Variants in TXK observed in about 807,000 individuals in gnomAD.
TXK encodes tyrosine-protein kinase TXK.
Under a neutral mutation model 81.0 loss-of-function variants are expected in TXK, and 60 were observed. The observed-to-expected ratio is 0.74, with a 90% CI of 0.60 to 0.92. TXK has a LOEUF of 0.92. TXK is among the 40% of genes least tolerant of loss of function. The pLI is 0.00. For synonymous variants in TXK, 203 were observed against 210.7 expected (o/e 0.96, Z 0.32); for missense variants, 581 against 638.3 (o/e 0.91, Z 0.97).
At chr4:48,129,330 T>C (rs1365002930) in intron 1 of TXK, among the ~76,000 whole-genome samples, 2 of 152,188 alleles carry the variant, frequency 1.3e-5, no homozygotes, top group African/African-American at 2.4e-5. Context: ...GTGTTAGACC[T>C]TGACTGTTCT....
intron 1 of TXK, 186 bp from the exon 2 acceptor site, chr4:48,114,588 T>C: frequency 1.6e-6 from 1 of 612,264 alleles, no homozygotes; most frequent in Non-Finnish European, 2.9e-6. Flanking sequence ...CCTTGGCCAG[T>C]GTGGTTTCCC....
At chr4:48,094,576 G>A (rs889843138) in intron 7 of TXK, among the ~76,000 whole-genome samples, 1 of 152,238 alleles carries the variant, frequency 6.6e-6, no homozygotes, top group African/African-American at 2.4e-5. Flanking sequence ...AATGCCAGGT[G>A]CATTAGTTAG....
chr4:48,132,582 T>G (rs1027907939), intron 1 of TXK, among the ~76,000 whole-genome samples: 2 of 152,128 alleles, frequency 1.3e-5, no homozygotes, highest in African/African-American at 2.4e-5. Context: ...ATAAACTCAT[T>G]TATATATGTG....
intron 7 of TXK, 71 bp downstream of exon 7, chr4:48,095,072 C>T: frequency 7.7e-7 from 1 of 1,293,430 alleles, no homozygotes. Flanking sequence ...TAAGCTCTCA[C>T]TAACATTCTC....
chr4:48,102,759 C>T (rs1274255445), intron 6 of TXK, among the ~76,000 whole-genome samples: 1 of 152,064 alleles, frequency 6.6e-6, no homozygotes, highest in African/African-American at 2.4e-5. Flanking sequence ...ATGAAATATG[C>T]TAATACACAG....
At chr4:48,071,767 G>C (rs1716868793) in intron 13 of TXK, 93 bp from the exon 14 acceptor site, 9 of 1,441,912 alleles carry the variant, frequency 6.2e-6, no homozygotes, top group Middle Eastern at 2.5e-4. Flanking sequence ...CATTATTTTT[G>C]TGCTCCAGGC....
At chr4:48,090,999 G>A (rs1027222446) in intron 8 of TXK, among the ~76,000 whole-genome samples, 2 of 152,240 alleles carry the variant, frequency 1.3e-5, no homozygotes, top group Non-Finnish European at 2.9e-5. Flanking sequence ...CACTCTTCTA[G>A]GTAGATTCCC....
chr4:48,109,651 T>G (rs1718573845), intron 5 of TXK, among the ~76,000 whole-genome samples: 1 of 152,238 alleles, frequency 6.6e-6, no homozygotes, highest in Non-Finnish European at 1.5e-5. Flanking sequence ...TGAAGTCATC[T>G]CCTTCTCTCC....
At chr4:48,079,866 T>C in intron 11 of TXK, 46 bp downstream of exon 11, 1 of 1,301,506 alleles carries the variant, frequency 7.7e-7, no homozygotes, top group Non-Finnish European at 1.1e-6. Context: ...TCCTTCTGAA[T>C]ATAGGTATGA....
chr4:48,112,466 G>C lies in TXK; in HGVS notation c.221C>G (p.Pro74Arg). 1 of 1,614,108 alleles carries C rather than the reference G, an allele frequency of 6.2e-7. No individual in the cohort carries two copies. Among genetic ancestry groups the C allele is most frequent in the Non-Finnish European group, 8.5e-7 (1 of 1,180,002 alleles). ...TTCAGCAACCTCAGAGGGTGGGAGG[G>C]GAGGCAGTGGCTTTCGTTTTGACGG... ...VQPSKRKPLP[P>R]LPPSEVAEEK... Residue 74 changes from proline to arginine, a missense_variant, in exon 4 of 15, where the codon CCC (proline) becomes CGC (arginine). Physicochemically the swap from Pro to Arg is moderately radical, Grantham distance 103. Transcript: ENST00000264316.
intron 8 of TXK, 79 bp from the exon 9 acceptor site, chr4:48,089,903 C>T (rs1344879881): frequency 2.0e-6 from 2 of 990,158 alleles, no homozygotes; most frequent in Non-Finnish European, 3.0e-6. Context: ...GAAGACAGTA[C>T]CATTCTTTAA....
intron 6 of TXK, among the ~76,000 whole-genome samples, chr4:48,100,008 TA>T (rs1256364028): frequency 6.6e-6 from 1 of 151,106 alleles, no homozygotes; most frequent in Non-Finnish European, 1.5e-5. Context: ...CCGTCTCTAC[TA>T]AAAATACAAA....
intron 8 of TXK, among the ~76,000 whole-genome samples, chr4:48,093,159 T>C (rs1717843892): frequency 6.6e-6 from 1 of 152,198 alleles, no homozygotes; most frequent in Non-Finnish European, 1.5e-5. Flanking sequence ...TATTTTACCC[T>C]CACTCCTTAA....
At chr4:48,102,558 G>A (rs929301565) in intron 6 of TXK, among the ~76,000 whole-genome samples, 16 of 152,186 alleles carry the variant, frequency 1.1e-4, no homozygotes, top group East Asian at 1.9e-4. Context: ...TAGTATAACC[G>A]TTTTGAATCA....
intron 1 of TXK, among the ~76,000 whole-genome samples, chr4:48,122,555 G>A (rs1354096114): frequency 6.6e-6 from 1 of 152,066 alleles, no homozygotes; most frequent in Non-Finnish European, 1.5e-5. Flanking sequence ...CTAACATGCT[G>A]TGCAATTTAT....
chr4:48,128,210 GTCA>G (rs1398618648), intron 1 of TXK, among the ~76,000 whole-genome samples: 1 of 152,190 alleles, frequency 6.6e-6, no homozygotes, highest in African/African-American at 2.4e-5. Context: ...ACTGAATTTG[GTCA>G]TCATAATAAC....
intron 14 of TXK, among the ~76,000 whole-genome samples, chr4:48,070,047 A>T: frequency 6.6e-6 from 1 of 152,218 alleles, no homozygotes; most frequent in East Asian, 1.9e-4. Flanking sequence ...ATGCTTTTGG[A>T]ATATGAATAA....
At chr4:48,098,181 T>TA (rs529384786) in intron 6 of TXK, among the ~76,000 whole-genome samples, 124 of 152,224 alleles carry the variant, frequency 8.1e-4, no homozygotes, top group African/African-American at 2.8e-3. Flanking sequence ...AGTTTGTATG[T>TA]AAAAAATGAG....
At chr4:48,092,116 G>A (rs1717799549) in intron 8 of TXK, among the ~76,000 whole-genome samples, 2 of 152,180 alleles carry the variant, frequency 1.3e-5, no homozygotes, top group African/African-American at 4.8e-5. Context: ...GAGGACATTT[G>A]GAGGGAGAGT....
Sources: allele counts gnomAD v4.1 joint callset (sites outside exome capture counted in the v4.1 genomes callset), GRCh38; gene constraint gnomAD v4.1.1; transcripts MANE v1.5; gene names NCBI Gene and HGNC (gene_info 2026-07-23, HGNC 2026-07-21).